DNAAF10: variants seen among roughly 807,000 people sequenced by gnomAD.
The protein encoded by DNAAF10 is dynein axonemal assembly factor 10, also known as WD repeat domain 92.
In DNAAF10, 28 loss-of-function variants were observed where a neutral mutation model predicts 43.7. That is an observed-to-expected ratio of 0.64 (90% CI 0.48 to 0.88). The LOEUF (loss-of-function observed/expected upper bound fraction) is 0.88. Among genes scored for constraint, DNAAF10 ranks in the 40% least tolerant of loss-of-function variants. The probability of loss-of-function intolerance (pLI) is 0.00; values close to 1 mark genes in which losing one functional copy is unlikely to be tolerated. For synonymous variants in DNAAF10, 156 were observed against 157.3 expected, an observed-to-expected ratio of 0.99 and a Z score of 0.06; for missense variants, 403 against 439.1, an observed-to-expected ratio of 0.92 and a Z score of 0.73.
intron 5 of DNAAF10, among the ~76,000 whole-genome samples, chr2:68,137,949 C>A (rs1673084602): frequency 6.7e-6 from 1 of 149,616 alleles, no homozygotes; most frequent in African/African-American, 2.5e-5. Flanking sequence ...CCAAGGCAGG[C>A]AGATCATGAG....
At chr2:68,150,089 T>C (rs775273197) in intron 1 of DNAAF10, among the ~76,000 whole-genome samples, 2 of 152,200 alleles carry the variant, frequency 1.3e-5, no homozygotes, top group African/African-American at 2.4e-5. Context: ...AAACCTCTGA[T>C]GAGGGTTTCT....
chr2:68,151,036 G>C (rs560713994), intron 1 of DNAAF10, among the ~76,000 whole-genome samples: 1 of 152,182 alleles, frequency 6.6e-6, no homozygotes, highest in Non-Finnish European at 1.5e-5. Context: ...TACACAATAA[G>C]CTCTATACAT....
chr2:68,150,830 CTCTA>C lies in DNAAF10; in HGVS notation c.184-3267_184-3264del, dbSNP rs148301482. On this transcript the variant is annotated intron_variant, in intron 1 of 7. Transcript: ENST00000295121. Reference sequence around the variant, plus strand: ...TTACTTGTGATGTAAAAATCGGAATCTCTATCTATTTATCTATCTCTATATATAG... The same window carrying C: ...TTACTTGTGATGTAAAAATCGGAATCTCTATTTATCTATCTCTATATATAG... 1.8e-3 allele frequency among the ~76,000 whole-genome samples: 267 copies of C among 152,280 alleles called. 1 individual carries two copies. Among genetic ancestry groups the C allele is most frequent in the Non-Finnish European group, 2.6e-3 (174 of 68,020 alleles).
intron 2 of DNAAF10, among the ~76,000 whole-genome samples, chr2:68,144,985 C>T (rs930285724): frequency 3.9e-5 from 6 of 152,022 alleles, no homozygotes; most frequent in Admixed American, 3.9e-4. Flanking sequence ...TATGCAAGAC[C>T]CCCACAGATG....
At chr2:68,152,847 C>T (rs1673489918) in intron 1 of DNAAF10, among the ~76,000 whole-genome samples, 2 of 152,168 alleles carry the variant, frequency 1.3e-5, no homozygotes, top group South Asian at 4.1e-4. Flanking sequence ...GGGTCTAGTA[C>T]AGCTTGTCAG....
intron 1 of DNAAF10, among the ~76,000 whole-genome samples, chr2:68,149,504 A>G (rs186755039): frequency 6.6e-6 from 1 of 152,338 alleles, no homozygotes; most frequent in Non-Finnish European, 1.5e-5. Flanking sequence ...GAAAATTAAT[A>G]TTCATTTATT....
rs569165685 is a variant in DNAAF10 at position 68,144,023 on chromosome 2, G to A, written c.415+562C>T. 5.7e-4 allele frequency among the ~76,000 whole-genome samples: 86 copies of A among 152,194 alleles called. 2 individuals carry two copies. In the South Asian group the frequency reaches 0.018, roughly 31 times the overall value. ...GTACCAAATTTCTCATGTACCCCTCGTGAAGCAACAACATTTCTGACTCTA... is the reference window on the plus strand; with the variant it reads ...GTACCAAATTTCTCATGTACCCCTCATGAAGCAACAACATTTCTGACTCTA... On this transcript the variant is annotated intron_variant, in intron 3 of 7. Coordinates refer to ENST00000295121, the MANE Select transcript of DNAAF10 (RefSeq NM_138458.4).
intron 2 of DNAAF10, 133 bp from the exon 3 acceptor site, chr2:68,144,848 CATTT>C (rs1673277870): frequency 8.4e-7 from 1 of 1,186,908 alleles, no homozygotes; most frequent in Non-Finnish European, 1.1e-6. Flanking sequence ...ATAGTTTATA[CATTT>C]ATTTACACTT....
chr2:68,153,562 C>T (rs556498056), intron 1 of DNAAF10, among the ~76,000 whole-genome samples: 2 of 152,044 alleles, frequency 1.3e-5, no homozygotes, highest in South Asian at 4.1e-4. Flanking sequence ...CAAAGTTGTA[C>T]TACTGTGTCA....
intron 1 of DNAAF10, among the ~76,000 whole-genome samples, chr2:68,151,032 A>G (rs1673445740): frequency 6.6e-6 from 1 of 152,256 alleles, no homozygotes; most frequent in South Asian, 2.1e-4. Context: ...AGTCTACACA[A>G]TAAGCTCTAT....
chr2:68,153,739 A>AATG (rs1673513482), intron 1 of DNAAF10, among the ~76,000 whole-genome samples: 1 of 146,862 alleles, frequency 6.8e-6, no homozygotes, highest in Non-Finnish European at 1.5e-5. Context: ...AGCCAAACAC[A>AATG]ATGAAGTTTT....
chr2:68,141,597 AC>A, intron 4 of DNAAF10, 96 bp downstream of exon 4: 1 of 1,186,440 alleles, frequency 8.4e-7, no homozygotes, highest in Non-Finnish European at 1.2e-6. Flanking sequence ...AGAATAATCC[AC>A]AAAACAGACC....
Position 68,131,241 on chromosome 2 carries a change from A to G in DNAAF10, c.1071T>C (p.Ile357=), listed in dbSNP as rs139971273. The change falls in exon 8 of 8, where the codon ATT becomes ATC. Residue 357 remains isoleucine (I), a synonymous_variant. Coordinates refer to ENST00000295121, the MANE Select transcript of DNAAF10 (RefSeq NM_138458.4). ...CCTCAAGTCCAAAGTCTTGAAGTCA[A>G]ATTTTATTGAGCTTTGTAACGATCA... ...RVLIVTKLNK[I] is the part of the protein sequence containing the mutation. 30 of 1,613,840 alleles carry G rather than the reference A, an allele frequency of 1.9e-5. No homozygotes were observed. Among genetic ancestry groups the G allele is most frequent in the Non-Finnish European group, 2.5e-5 (30 of 1,179,932 alleles).
chr2:68,150,299 C>G (rs1301181089), intron 1 of DNAAF10, among the ~76,000 whole-genome samples: 1 of 152,214 alleles, frequency 6.6e-6, no homozygotes, highest in Non-Finnish European at 1.5e-5. Flanking sequence ...CACTGATCTT[C>G]TGTTACTAAC....
At chr2:68,132,388 G>GA (rs924649098) in intron 7 of DNAAF10, among the ~76,000 whole-genome samples, 2 of 151,828 alleles carry the variant, frequency 1.3e-5, no homozygotes, top group Non-Finnish European at 2.9e-5. Flanking sequence ...TCATTTTGAT[G>GA]AAAAAAAATA....
chr2:68,134,108 T>C (rs1049194814), intron 7 of DNAAF10: 1 of 979,618 alleles, frequency 1.0e-6, no homozygotes, highest in Admixed American at 6.2e-5. Context: ...AGACCTTTAA[T>C]TTTTGTTTTG....
rs1672997461 is a variant in DNAAF10 at position 68,134,735 on chromosome 2, G to A, written c.833C>T (p.Ala278Val). The change falls in exon 7 of 8, where the codon GCT (alanine) becomes GTT (valine). Residue 278 changes from alanine (A) to valine (V), a missense_variant. Transcript: ENST00000295121. ...LPQNRELFLT[A>V]GGAGGLHLWK... ...GAGGTGAAGGCCGCCGGCGCCTCCA[G>A]CTGTCAGAAAGAGCTCCCTGTTCTG... 1.2e-5 allele frequency: 20 copies of A among 1,608,862 alleles called. No homozygotes were observed. Among genetic ancestry groups the A allele is most frequent in the Non-Finnish European group, 1.5e-5 (18 of 1,178,756 alleles).
chr2:68,152,266 G>A (rs565307762), intron 1 of DNAAF10, among the ~76,000 whole-genome samples: 1 of 152,194 alleles, frequency 6.6e-6, no homozygotes, highest in Admixed American at 6.5e-5. Context: ...GGTCATTAGT[G>A]GTCTGCTGTG....
At chr2:68,145,860 A>G (rs1572923825) in intron 2 of DNAAF10, among the ~76,000 whole-genome samples, 2 of 152,192 alleles carry the variant, frequency 1.3e-5, no homozygotes, top group African/African-American at 4.8e-5. Context: ...ATTTCTCTTA[A>G]TAATTTAGTT....
Sources: gnomAD v4.1 joint callset for allele counts (sites outside exome capture counted in the v4.1 genomes callset) on GRCh38, gnomAD v4.1.1 for gene constraint, MANE v1.5 for transcripts, NCBI Gene and HGNC (gene_info 2026-07-23, HGNC 2026-07-21) for gene names.